NCOA3: variants seen among roughly 807,000 people sequenced by gnomAD.
NCOA3 encodes the protein nuclear receptor coactivator 3, also known as CBP-interacting protein.
Under a neutral mutation model 158.8 loss-of-function variants are expected in NCOA3, and 51 were observed. The observed-to-expected ratio is 0.32, with a 90% CI of 0.26 to 0.41. The LOEUF is 0.41. NCOA3 is among the 10% of genes least tolerant of loss of function. The pLI is 1.00. For synonymous variants in NCOA3, 537 were observed against 592.4 expected (o/e 0.91, Z 1.36); for missense variants, 1,510 against 1,746.6 (o/e 0.86, Z 2.41).
chr20:47,593,594 C>T (rs374788208), intron 2 of NCOA3, among the ~76,000 whole-genome samples: 4 of 152,022 alleles, frequency 2.6e-5, no homozygotes, highest in African/African-American at 4.8e-5. Flanking sequence ...CCGCCTGCCT[C>T]GGCCTCCCAA....
At chr20:47,646,362 A>G (rs1199336782) in intron 17 of NCOA3, among the ~76,000 whole-genome samples, 1 of 152,084 alleles carries the variant, frequency 6.6e-6, no homozygotes, top group Non-Finnish European at 1.5e-5. Flanking sequence ...GGAACCATGG[A>G]TATGGAGGGC....
intron 5 of NCOA3, among the ~76,000 whole-genome samples, 168 bp from the exon 6 acceptor site, chr20:47,626,834 A>G (rs2086330148): frequency 6.6e-6 from 1 of 152,076 alleles, no homozygotes; most frequent in African/African-American, 2.4e-5. Context: ...TACCAGTCAT[A>G]TTGGATTAGG....
chr20:47,518,420 G>GTTTTT (rs35593021), intron 1 of NCOA3, among the ~76,000 whole-genome samples: 39 of 132,886 alleles, frequency 2.9e-4, no homozygotes, highest in Middle Eastern at 7.7e-3. Context: ...TTCTTTTTCT[G>GTTTTT]TTTTTTTTTT....
chr20:47,538,157 G>A (rs1214084916), intron 1 of NCOA3, among the ~76,000 whole-genome samples: 2 of 152,134 alleles, frequency 1.3e-5, no homozygotes, highest in African/African-American at 4.8e-5. Flanking sequence ...TAGGATTACA[G>A]GCATGAACCA....
chr20:47,627,469 G>A, intron 6 of NCOA3, 92 bp from the exon 7 acceptor site: 2 of 976,502 alleles, frequency 2.0e-6, no homozygotes, highest in Non-Finnish European at 3.1e-6. Flanking sequence ...TGGAAAACAT[G>A]CATAATGAGA....
chr20:47,634,114 C>G lies in NCOA3; in HGVS notation c.1031C>G (p.Thr344Ser). 6.2e-7 allele frequency: 1 copy of G among 1,614,158 alleles called. No individual in the cohort carries two copies. Among genetic ancestry groups the G allele is most frequent in the Non-Finnish European group, 8.5e-7 (1 of 1,180,026 alleles). ...TCGTTGGCTGATGGAACTATAGTGA[C>G]TGCACAGACAAAAAGCAAACTCTTC... is the stretch of plus-strand genomic sequence containing the variant. ...RFSLADGTIV[T>S]AQTKSKLFRN... Residue 344 changes from threonine to serine, a missense_variant, in exon 10 of 23, where the codon ACT (threonine) becomes AGT (serine). Physicochemically the swap from Thr to Ser is moderately conservative, Grantham distance 58 (BLOSUM62 1). Coordinates refer to ENST00000371998, the MANE Select transcript of NCOA3 (RefSeq NM_181659.3).
intron 1 of NCOA3, among the ~76,000 whole-genome samples, chr20:47,555,926 G>A (rs1277911188): frequency 1.3e-5 from 2 of 150,228 alleles, no homozygotes; most frequent in Non-Finnish European, 3.0e-5. Flanking sequence ...ACAGGCGTGA[G>A]CCACTGCACC....
At chr20:47,503,254 GT>G (rs1350062645) in intron 1 of NCOA3, among the ~76,000 whole-genome samples, 1 of 152,198 alleles carries the variant, frequency 6.6e-6, no homozygotes, top group Non-Finnish European at 1.5e-5. Context: ...TGTTGAGAAG[GT>G]GATTGGAGGA....
At chr20:47,545,174 ATTTTTT>A (rs3083968) in intron 1 of NCOA3, among the ~76,000 whole-genome samples, 1 of 84,322 alleles carries the variant, frequency 1.2e-5, no homozygotes, top group Admixed American at 1.5e-4. Flanking sequence ...TATCCATAGG[ATTTTTT>A]TTTTTTTTTT....
At chr20:47,574,522 A>G (rs1349151614) in intron 1 of NCOA3, among the ~76,000 whole-genome samples, 1 of 151,082 alleles carries the variant, frequency 6.6e-6, no homozygotes, top group Non-Finnish European at 1.5e-5. Flanking sequence ...GCATAGTAAT[A>G]TTTGTATTAA....
chr20:47,548,064 A>G (rs1313672479), intron 1 of NCOA3, among the ~76,000 whole-genome samples: 1 of 151,726 alleles, frequency 6.6e-6, no homozygotes, highest in Non-Finnish European at 1.5e-5. Flanking sequence ...CCGTCTCTTT[A>G]GGCTGGAACT....
chr20:47,570,845 T>C (rs1359503244), intron 1 of NCOA3, among the ~76,000 whole-genome samples: 1 of 151,526 alleles, frequency 6.6e-6, no homozygotes, highest in African/African-American at 2.4e-5. Flanking sequence ...ACAGATGTTG[T>C]GTTAATGGGC....
At position 47,502,810 on chromosome 20, in the gene NCOA3, A is replaced by G. The variant is rs536084051; in HGVS notation, c.-99+791A>G. On this transcript the variant is annotated intron_variant, in intron 1 of 22. Transcript: ENST00000371998. The stretch of plus-strand genomic sequence containing the variant: ...TGTACCTGCCTTAACAAAACTAGCC[A>G]TGGGTCGTTGGGAGACTTAGTTGCT... 6.6e-5 allele frequency among the ~76,000 whole-genome samples: 10 copies of G among 151,308 alleles called. No homozygotes were observed. In the East Asian group the frequency reaches 1.6e-3, roughly 24 times the overall value.
intron 12 of NCOA3, 102 bp from the exon 13 acceptor site, chr20:47,637,546 T>G (rs1602524757): frequency 1.0e-6 from 1 of 973,100 alleles, no homozygotes; most frequent in East Asian, 2.8e-5. Flanking sequence ...AGTTTTTGTA[T>G]TTTACTTGCT....
At chr20:47,614,748 G>T (rs1166507184) in intron 2 of NCOA3, among the ~76,000 whole-genome samples, 1 of 152,116 alleles carries the variant, frequency 6.6e-6, no homozygotes, top group East Asian at 1.9e-4. Flanking sequence ...TAAGGGTTAT[G>T]GGTAATATTA....
chr20:47,516,953 T>A (rs1246597022), intron 1 of NCOA3, among the ~76,000 whole-genome samples: 1 of 150,664 alleles, frequency 6.6e-6, no homozygotes, highest in African/African-American at 2.4e-5. Flanking sequence ...CTGGGTGCAG[T>A]GACTCACATC....
At chr20:47,541,927 C>T (rs538676530) in intron 1 of NCOA3, among the ~76,000 whole-genome samples, 11 of 150,834 alleles carry the variant, frequency 7.3e-5, no homozygotes, top group Admixed American at 2.6e-4. Flanking sequence ...GGTTTTTATG[C>T]GACCTAAGTT....
intron 2 of NCOA3, among the ~76,000 whole-genome samples, chr20:47,592,164 C>A (rs2085653578): frequency 6.6e-6 from 1 of 152,072 alleles, no homozygotes; most frequent in Non-Finnish European, 1.5e-5. Flanking sequence ...TGCCTCAGCT[C>A]CTGAGTAGCT....
Position 47,612,310 on chromosome 20 carries a change from G to A in NCOA3, c.-19-9919G>A, listed in dbSNP as rs149937561. Among the ~76,000 whole-genome samples the A allele has an allele frequency of 7.9e-3, 1,199 of 152,258 alleles. 16 individuals carry two copies. The highest frequency in any genetic ancestry group is 0.026 in the African/African-American group (1,076 of 41,550). Reference sequence around the variant, plus strand: ...AGAGTTACATACAAGTTTACACAATGGTTTAGAGCTTACAAGGTAGGAAGC... The same window carrying A: ...AGAGTTACATACAAGTTTACACAATAGTTTAGAGCTTACAAGGTAGGAAGC... On this transcript the variant is annotated intron_variant, in intron 2 of 22. Transcript: ENST00000371998.
Sources: allele counts gnomAD v4.1 joint callset (sites outside exome capture counted in the v4.1 genomes callset), GRCh38; gene constraint gnomAD v4.1.1; transcripts MANE v1.5; gene names NCBI Gene and HGNC (gene_info 2026-07-23, HGNC 2026-07-21).